The following PALLD variants were observed in gnomAD, a reference collection of about 807,000 sequenced individuals.
PALLD encodes palladin, cytoskeletal associated protein.
In PALLD, 61 loss-of-function variants were observed where a neutral mutation model predicts 123.5. That is an observed-to-expected ratio of 0.49 (90% CI 0.40 to 0.61). The LOEUF (loss-of-function observed/expected upper bound fraction) is 0.61. Ranked by LOEUF, PALLD falls within the 20% of genes least tolerant of loss-of-function variation. PALLD has a pLI of 0.00. For synonymous variants in PALLD, 465 were observed against 496.4 expected, an observed-to-expected ratio of 0.94 and a Z score of 0.84; for missense variants, 1,273 against 1,377.0, an observed-to-expected ratio of 0.92 and a Z score of 1.20.
intron 2 of PALLD, among the ~76,000 whole-genome samples, chr4:168,569,725 G>A (rs1768781092): frequency 6.6e-6 from 1 of 152,134 alleles, no homozygotes; most frequent in African/African-American, 2.4e-5. Context: ...AATGTGCTCT[G>A]GAACTGGTTA....
At chr4:168,690,783 T>G (rs1349823409) in intron 7 of PALLD, 39 bp downstream of exon 7, 1 of 1,607,500 alleles carries the variant, frequency 6.2e-7, no homozygotes, top group Admixed American at 1.7e-5. Context: ...CTGACCATTT[T>G]ATTCTCTCCA....
intron 10 of PALLD, among the ~76,000 whole-genome samples, chr4:168,886,444 C>T (rs1371379249): frequency 1.3e-5 from 2 of 152,136 alleles, no homozygotes; most frequent in Non-Finnish European, 2.9e-5. Context: ...GAGTTTGAGA[C>T]CAGCCTGGGC....
At chr4:168,731,752 C>CAATT (rs1194824652) in intron 10 of PALLD, among the ~76,000 whole-genome samples, 15 of 152,056 alleles carry the variant, frequency 9.9e-5, no homozygotes, top group African/African-American at 2.9e-4. Flanking sequence ...AATCACTGAC[C>CAATT]AATTAGAAGT....
intron 2 of PALLD, among the ~76,000 whole-genome samples, chr4:168,526,335 G>A (rs1764041682): frequency 6.6e-6 from 1 of 152,070 alleles, no homozygotes; most frequent in Non-Finnish European, 1.5e-5. Context: ...TTCAGATTTT[G>A]ACAAATCAGA....
At chr4:168,515,879 A>T (rs1474636322) in intron 2 of PALLD, among the ~76,000 whole-genome samples, 2 of 149,808 alleles carry the variant, frequency 1.3e-5, no homozygotes, top group Non-Finnish European at 3.0e-5. Flanking sequence ...ATTAAACAAC[A>T]GAGATTGTTT....
intron 10 of PALLD, among the ~76,000 whole-genome samples, chr4:168,759,249 A>G (rs1242848497): frequency 2.7e-4 from 34 of 128,076 alleles, no homozygotes; most frequent in African/African-American, 8.7e-4. Context: ...ATATATAGAA[A>G]CAATATATGC....
intron 2 of PALLD, among the ~76,000 whole-genome samples, chr4:168,518,437 T>C (rs1763213608): frequency 6.6e-6 from 1 of 152,170 alleles, no homozygotes; most frequent in Non-Finnish European, 1.5e-5. Context: ...TCCATAGTTC[T>C]TATACATCCT....
At chr4:168,569,811 A>AC (rs750373349) in intron 2 of PALLD, among the ~76,000 whole-genome samples, 40 of 152,174 alleles carry the variant, frequency 2.6e-4, no homozygotes, top group African/African-American at 8.4e-4. Context: ...AATTGACCAC[A>AC]CCCTTCATTA....
At chr4:168,608,505 G>A (rs7694961) in intron 2 of PALLD, among the ~76,000 whole-genome samples, 8,097 of 152,200 alleles carry the variant, frequency 0.053, 709 homozygotes, top group African/African-American at 0.18. Context: ...TAATGTAAGC[G>A]TTCATTGAAG....
At chr4:168,663,406 T>C (rs1266686563) in intron 2 of PALLD, among the ~76,000 whole-genome samples, 1 of 152,118 alleles carries the variant, frequency 6.6e-6, no homozygotes, top group African/African-American at 2.4e-5. Flanking sequence ...CTGCCTGTTT[T>C]GAGTAATTCC....
At chr4:168,899,200 T>C (rs1755910544) in intron 14 of PALLD, among the ~76,000 whole-genome samples, 1 of 152,166 alleles carries the variant, frequency 6.6e-6, no homozygotes, top group South Asian at 2.1e-4. Context: ...AAGAATATTG[T>C]TTAGAACGGA....
rs151254526 is a variant in PALLD at position 168,651,224 on chromosome 4, A to G, written c.909-16966A>G. ...TAAAGCAGTGTTAGAAGGCTGTTCC[A>G]CCTCCTCAGTATACTAGTTATTAGG... On this transcript the variant is annotated intron_variant, in intron 2 of 21. Coordinates refer to ENST00000505667, the MANE Select transcript of PALLD (RefSeq NM_001166108.2). Among the ~76,000 whole-genome samples, 401 of 152,200 alleles carry G rather than the reference A, an allele frequency of 2.6e-3. 3 individuals carry two copies. Among genetic ancestry groups the G allele is most frequent in the Middle Eastern group, 0.014 (4 of 294 alleles).
intron 2 of PALLD, among the ~76,000 whole-genome samples, chr4:168,555,789 A>G (rs941601658): frequency 1.3e-5 from 2 of 152,312 alleles, no homozygotes; most frequent in South Asian, 4.1e-4. Context: ...TTATGTATTC[A>G]GCATCATGGC....
intron 1 of PALLD, among the ~76,000 whole-genome samples, chr4:168,505,260 T>A (rs1761892630): frequency 6.6e-6 from 1 of 152,222 alleles, no homozygotes; most frequent in Non-Finnish European, 1.5e-5. Context: ...CAAGCAGTTT[T>A]AAAGCTACAC....
intron 15 of PALLD, 173 bp downstream of exon 15, chr4:168,904,079 A>G (rs1757115111): frequency 3.1e-6 from 2 of 649,266 alleles, no homozygotes; most frequent in African/African-American, 1.8e-5. Context: ...TCTTTGTTTC[A>G]TGAATACTTA....
intron 2 of PALLD, among the ~76,000 whole-genome samples, chr4:168,602,063 T>C (rs1772718166): frequency 6.6e-6 from 1 of 152,148 alleles, no homozygotes; most frequent in Non-Finnish European, 1.5e-5. Context: ...GTGACTCCGG[T>C]GAGTCTGCAG....
intron 10 of PALLD, among the ~76,000 whole-genome samples, chr4:168,855,445 C>G (rs1748471576): frequency 6.6e-6 from 1 of 152,184 alleles, no homozygotes; most frequent in African/African-American, 2.4e-5. Context: ...AGTGGTACGT[C>G]TATCTTAAAT....
rs189967407 is a variant in PALLD, at chr4:168,726,923, G to A, written c.1964+15000G>A. On this transcript the variant is annotated intron_variant, in intron 10 of 21. Coordinates refer to ENST00000505667, the MANE Select transcript of PALLD (RefSeq NM_001166108.2). ...AGTTAGCAGTGTCTGTCATTTCTAC[G>A]TTTATGTCCATGTGTGCTCAATGTT... 3.9e-5 allele frequency among the ~76,000 whole-genome samples: 6 copies of A among 152,078 alleles called. No individual in the cohort carries two copies. The East Asian group carries it at 5.8e-4, about 15-fold the overall frequency.
chr4:168,696,268 C>CA (rs1254423784), intron 8 of PALLD, among the ~76,000 whole-genome samples: 2 of 152,168 alleles, frequency 1.3e-5, no homozygotes, highest in Non-Finnish European at 2.9e-5. Context: ...TTCCAGGACT[C>CA]ACATTCCAGC....
Sources: gnomAD v4.1 joint callset for allele counts (sites outside exome capture counted in the v4.1 genomes callset) on GRCh38, gnomAD v4.1.1 for gene constraint, MANE v1.5 for transcripts, NCBI Gene and HGNC (gene_info 2026-07-23, HGNC 2026-07-21) for gene names.